The following SEMA4F variants were observed in gnomAD, a reference collection of about 807,000 sequenced individuals.
SEMA4F encodes semaphorin-4F.
Under a neutral mutation model 78.4 loss-of-function variants are expected in SEMA4F, and 51 were observed. The observed-to-expected ratio is 0.65, with a 90% CI of 0.52 to 0.82. The LOEUF is 0.82. SEMA4F is among the 40% of genes least tolerant of loss of function. SEMA4F has a pLI of 0.00. For missense variants in SEMA4F, 938 were observed against 1,014.4 expected (o/e 0.92, Z 1.02); for synonymous variants, 418 against 408.7 (o/e 1.02, Z -0.27).
the SEMA4F span, among the ~76,000 whole-genome samples, chr2:74,690,343 T>G: frequency 6.6e-6 from 1 of 152,202 alleles, no homozygotes; most frequent in Non-Finnish European, 1.5e-5. Flanking sequence ...GATGAGGGGT[T>G]TTACTTTTGA....
Position 74,675,453 on chromosome 2 carries a change from A to C in SEMA4F, c.1372+69A>C, listed in dbSNP as rs1685222494. 1.9e-6 allele frequency: 3 copies of C among 1,591,022 alleles called. No homozygotes were observed. In the East Asian group the frequency reaches 6.7e-5, roughly 36 times the overall value. ...ATTCTCGTCACAGAGAGGGTACTGT[A>C]ATACATATAGGTCTGAGTCCCAGGC... On this transcript the variant is annotated intron_variant, in intron 10 of 13. Coordinates refer to ENST00000357877, the MANE Select transcript of SEMA4F (RefSeq NM_004263.5).
At position 74,673,846 on chromosome 2, in the gene SEMA4F, C is replaced by T. The variant is rs770819627; in HGVS notation, c.822+18C>T. ...TGTGTGCGGTGAGACCCCATCCCAG[C>T]TGTCTGTCTGTCATCTCCTGCTCTG... On this transcript the variant is annotated intron_variant, in intron 7 of 13. Coordinates refer to ENST00000357877, the MANE Select transcript of SEMA4F (RefSeq NM_004263.5). 1 of 1,606,342 alleles carries T rather than the reference C, an allele frequency of 6.2e-7. No homozygotes were observed. Among genetic ancestry groups the T allele is most frequent in the East Asian group, 2.2e-5 (1 of 44,798 alleles).
chr2:74,668,222 G>A (rs1210620463), intron 5 of SEMA4F, among the ~76,000 whole-genome samples: 2 of 152,136 alleles, frequency 1.3e-5, no homozygotes, highest in South Asian at 4.1e-4. Context: ...TGTTTTTATT[G>A]TATGGTTTTG....
the SEMA4F span, among the ~76,000 whole-genome samples, chr2:74,704,757 G>GC: frequency 6.6e-6 from 1 of 152,040 alleles, no homozygotes; most frequent in Non-Finnish European, 1.5e-5. Flanking sequence ...AACCCCAGTT[G>GC]CCCTCCGAAT....
At chr2:74,696,939 C>A in the SEMA4F span, among the ~76,000 whole-genome samples, 1 of 152,312 alleles carries the variant, frequency 6.6e-6, no homozygotes, top group South Asian at 2.1e-4. Flanking sequence ...TTTGCTCTTA[C>A]AACCTGTGGC....
At chr2:74,675,064 T>C in intron 9 of SEMA4F, 29 bp downstream of exon 9, 1 of 1,613,798 alleles carries the variant, frequency 6.2e-7, no homozygotes, top group Non-Finnish European at 8.5e-7. Flanking sequence ...ATTCTAGGCC[T>C]GAAGTCAAGA....
intron 9 of SEMA4F, 57 bp from the exon 10 acceptor site, chr2:74,675,105 A>G: frequency 6.2e-7 from 1 of 1,613,526 alleles, no homozygotes; most frequent in Non-Finnish European, 8.5e-7. Flanking sequence ...CCCACTAAGC[A>G]TCACTGGCAT....
At chr2:74,669,462 G>A (rs1415416102) in intron 5 of SEMA4F, among the ~76,000 whole-genome samples, 3 of 151,986 alleles carry the variant, frequency 2.0e-5, no homozygotes, top group Admixed American at 2.0e-4. Context: ...GGGGGTGCCT[G>A]TAATCCCAGC....
chr2:74,661,818 A>G (rs1684439691), intron 4 of SEMA4F, among the ~76,000 whole-genome samples: 1 of 152,166 alleles, frequency 6.6e-6, no homozygotes, highest in African/African-American at 2.4e-5. Context: ...GCTACCATGG[A>G]AGTAATTAGG....
At position 74,654,276 on chromosome 2, in the gene SEMA4F, G is replaced by C; in HGVS notation, c.-101G>C. 1 of 1,319,040 alleles carries C rather than the reference G, an allele frequency of 7.6e-7. No homozygotes were observed. Among genetic ancestry groups the C allele is most frequent in the Non-Finnish European group, 9.7e-7 (1 of 1,025,770 alleles). 81.7% of individuals were successfully genotyped at this position (1,319,040 alleles called of 1,614,324 possible). A position where few individuals can be genotyped will look rare whatever the true frequency, so the allele number is the denominator to read the frequency against. The stretch of plus-strand genomic sequence containing the variant: ...CATCCCTCAGCCTCAGGCTGAGCCG[G>C]ACCGAGCCGAGAGGACCCGAGTGGG... On this transcript the variant is annotated 5_prime_UTR_variant, in exon 1 of 14. Coordinates refer to ENST00000357877, the MANE Select transcript of SEMA4F (RefSeq NM_004263.5).
Position 74,655,151 on chromosome 2 carries a change from C to T in SEMA4F, c.145+630C>T, listed in dbSNP as rs568566744. On this transcript the variant is annotated intron_variant, in intron 1 of 13. Coordinates refer to ENST00000357877, the MANE Select transcript of SEMA4F (RefSeq NM_004263.5). ...TCCCATTCTCCCATTATTGGATCCACGTTAACTCTCTTAACTTCCTCAGTG... is the reference window on the plus strand; with the variant it reads ...TCCCATTCTCCCATTATTGGATCCATGTTAACTCTCTTAACTTCCTCAGTG... The T allele has an allele frequency of 3.0e-5, 7 of 232,396 alleles. No homozygotes were observed. The South Asian group carries it at 3.2e-4, about 10-fold the overall frequency. 14.4% of individuals were successfully genotyped at this position (232,396 alleles called of 1,614,324 possible). A position where few individuals can be genotyped will look rare whatever the true frequency, so the allele number is the denominator to read the frequency against.
At chr2:74,663,886 G>A (rs1238537943) in intron 5 of SEMA4F, among the ~76,000 whole-genome samples, 1 of 152,230 alleles carries the variant, frequency 6.6e-6, no homozygotes, top group Non-Finnish European at 1.5e-5. Flanking sequence ...GCACACCCAT[G>A]TACATTCATG....
At chr2:74,657,452 AC>A (rs1296117777) in intron 2 of SEMA4F, 112 bp from the exon 3 acceptor site, 6 of 890,374 alleles carry the variant, frequency 6.7e-6, no homozygotes, top group Non-Finnish European at 1.1e-5. Context: ...CTCTAGGGGG[AC>A]TTTTGAAGTT....
At chr2:74,703,105 C>G in the SEMA4F span, among the ~76,000 whole-genome samples, 1 of 152,058 alleles carries the variant, frequency 6.6e-6, no homozygotes. Flanking sequence ...CTGAAGCTAA[C>G]CTTCTATTGG....
In SEMA4F at chr2:74,662,738, T is replaced by C. The variant is rs1558721402; in HGVS notation, c.463T>C (p.Ser155Pro). 6.2e-7 allele frequency: 1 copy of C among 1,614,058 alleles called. No homozygotes were observed. The highest frequency in any genetic ancestry group is 1.7e-5 in the Admixed American group (1 of 60,030). Residue 155 changes from serine to proline, a missense_variant, in exon 5 of 14, where the codon TCC becomes CCC. Ser to Pro is a moderately conservative substitution (Grantham distance 74). Coordinates refer to ENST00000357877, the MANE Select transcript of SEMA4F (RefSeq NM_004263.5). Reference protein sequence around the residue: ...FDPKCGVIDVSRFQQVERLES... With the variant: ...FDPKCGVIDVPRFQQVERLES... Reference sequence around the variant, plus strand: ...GCCCCCTTCTGGTCTATAGGATGTGTCCAGGTTCCAGCAGGTTGAAAGACT... The same window carrying C: ...GCCCCCTTCTGGTCTATAGGATGTGCCCAGGTTCCAGCAGGTTGAAAGACT...
chr2:74,672,610 T>G (rs1314365948), intron 5 of SEMA4F, among the ~76,000 whole-genome samples: 1 of 152,202 alleles, frequency 6.6e-6, no homozygotes, highest in East Asian at 1.9e-4. Flanking sequence ...GTCAGAGCCC[T>G]TGGTGGTGGT....
intron 5 of SEMA4F, among the ~76,000 whole-genome samples, chr2:74,665,787 T>C (rs558359648): frequency 1.3e-5 from 2 of 152,358 alleles, no homozygotes; most frequent in African/African-American, 4.8e-5. Context: ...TTTCTGAGTT[T>C]TCGTGGTTGT....
At chr2:74,669,243 G>A (rs1484818700) in intron 5 of SEMA4F, among the ~76,000 whole-genome samples, 1 of 152,058 alleles carries the variant, frequency 6.6e-6, no homozygotes, top group African/African-American at 2.4e-5. Flanking sequence ...AGGAGGTTGA[G>A]GCTGTTCACG....
intron 4 of SEMA4F, among the ~76,000 whole-genome samples, chr2:74,659,627 C>G (rs1322731115): frequency 2.0e-5 from 3 of 152,152 alleles, no homozygotes; most frequent in Non-Finnish European, 2.9e-5. Context: ...AGACTAGCCG[C>G]AAGAGGTCAA....
Sources: gnomAD v4.1 joint callset for allele counts (sites outside exome capture counted in the v4.1 genomes callset) on GRCh38, gnomAD v4.1.1 for gene constraint, MANE v1.5 for transcripts, NCBI Gene and HGNC (gene_info 2026-07-23, HGNC 2026-07-21) for gene names.